Variants in KANK1 observed in about 807,000 individuals in gnomAD.
The protein encoded by KANK1 is KN motif and ankyrin repeat domain-containing protein 1.
Under a neutral mutation model 106.2 loss-of-function variants are expected in KANK1, and 109 were observed. The ratio of observed to expected loss-of-function variants is 1.03; its 90% CI spans 0.88 to 1.20. KANK1 has a LOEUF of 1.20. Ranked by LOEUF, KANK1 falls within the 50% of genes most tolerant of loss-of-function variation. The pLI is 0.00. For missense variants in KANK1, 2,399 were observed against 1,710.7 expected (o/e 1.40, Z -7.10); for synonymous variants, 873 against 652.2 (o/e 1.34, Z -5.16).
intron 11 of KANK1, chr9:744,938 T>C (rs1366434376): frequency 2.1e-6 from 3 of 1,438,912 alleles, no homozygotes; most frequent in Non-Finnish European, 2.7e-6. Flanking sequence ...CAGCCTGTAG[T>C]CCACAGTTCA....
intron 1 of KANK1, among the ~76,000 whole-genome samples, chr9:655,755 C>T (rs548551955): frequency 6.6e-6 from 1 of 152,276 alleles, no homozygotes; most frequent in South Asian, 2.1e-4. Context: ...TTTCAGATAC[C>T]TTAGAAACAA....
At chr9:514,573 T>C (rs759740050) in intron 1 of KANK1, among the ~76,000 whole-genome samples, 1 of 151,436 alleles carries the variant, frequency 6.6e-6, no homozygotes, top group African/African-American at 2.5e-5. Flanking sequence ...ATGTACTCTT[T>C]CGTGTCTAGC....
Position 572,167 on chromosome 9 carries a change from TTTTC to T in KANK1, c.-84+67415_-84+67418del, listed in dbSNP as rs1381264574. Among the ~76,000 whole-genome samples the T allele has an allele frequency of 1.2e-3, 141 of 119,908 alleles. 3 individuals carry two copies. In the East Asian group the frequency reaches 0.039, roughly 33 times the overall value. The allele number at this position is 119,908 out of a possible 152,430, so 78.7% of individuals were successfully genotyped here. On this transcript the variant is annotated intron_variant, in intron 1 of 11. Transcript: ENST00000382297. ...AAACAGTGATTTTTTTTTTTTTTTTTTTTCTAAGAGACAGGGTCTTGCTCTTTTC... is the reference window on the plus strand; with the variant it reads ...AAACAGTGATTTTTTTTTTTTTTTTTTAAGAGACAGGGTCTTGCTCTTTTC...
intron 1 of KANK1, among the ~76,000 whole-genome samples, chr9:667,236 CTA>C (rs1844843492): frequency 6.6e-6 from 1 of 151,986 alleles, no homozygotes; most frequent in South Asian, 2.1e-4. Context: ...GCAATTGTCT[CTA>C]ATGATTCTTT....
rs530221741 is a variant in KANK1 at position 684,559 on chromosome 9, C to T, written c.37+7550C>T. ...GAAAACTCTGTGCTCTGCTCTTCCT[C>T]AGCAGACTTCTCGTTGTGAGTATTG... On this transcript the variant is annotated intron_variant, in intron 2 of 11. Coordinates refer to ENST00000382297, the MANE Select transcript of KANK1 (RefSeq NM_015158.5). 341 of 985,450 alleles carry T rather than the reference C, an allele frequency of 3.5e-4. No individual in the cohort carries two copies. The African/African-American group carries it at 5.4e-3, about 16-fold the overall frequency. 61.0% of individuals were successfully genotyped at this position (985,450 alleles called of 1,614,324 possible).
intron 2 of KANK1, among the ~76,000 whole-genome samples, chr9:709,098 G>A (rs1825165137): frequency 6.6e-6 from 1 of 152,158 alleles, no homozygotes; most frequent in Admixed American, 6.6e-5. Context: ...TTGAACTCAT[G>A]ACAATACAAA....
intron 1 of KANK1, among the ~76,000 whole-genome samples, chr9:670,647 G>T (rs763125122): frequency 1.3e-5 from 2 of 152,106 alleles, no homozygotes; most frequent in Non-Finnish European, 1.5e-5. Flanking sequence ...GTCTCCTTTG[G>T]TTGAGTTACA....
intron 1 of KANK1, among the ~76,000 whole-genome samples, chr9:519,602 T>C (rs1375042805): frequency 6.6e-6 from 1 of 151,790 alleles, no homozygotes; most frequent in African/African-American, 2.4e-5. Context: ...ACCTGGACTT[T>C]TTGGAATGAT....
intron 1 of KANK1, among the ~76,000 whole-genome samples, chr9:531,358 G>T (rs891507698): frequency 4.0e-5 from 6 of 151,672 alleles, no homozygotes; most frequent in Admixed American, 6.6e-5. Flanking sequence ...TTAAACCCAG[G>T]AGGTGGAGGC....
rs1027752889 is a variant in KANK1, at chr9:611,422, G to C, written c.-83-65468G>C. On this transcript the variant is annotated intron_variant, in intron 1 of 11. Transcript: ENST00000382297. ...AAAGTACAGGACTCAAGTAATGATTGAACTTGGAATAAAAACCTTAAGGCC... is the reference window on the plus strand; with the variant it reads ...AAAGTACAGGACTCAAGTAATGATTCAACTTGGAATAAAAACCTTAAGGCC... Among the ~76,000 whole-genome samples the C allele has an allele frequency of 9.9e-5, 15 of 152,158 alleles. No homozygotes were observed. In the East Asian group the frequency reaches 2.7e-3, roughly 27 times the overall value.
At chr9:588,218 T>A (rs1823988990) in intron 1 of KANK1, among the ~76,000 whole-genome samples, 1 of 152,224 alleles carries the variant, frequency 6.6e-6, no homozygotes, top group Non-Finnish European at 1.5e-5. Flanking sequence ...AAATGCTTAT[T>A]TCTTTTTTCT....
chr9:672,815 C>T (rs1815495983), intron 1 of KANK1, among the ~76,000 whole-genome samples: 1 of 152,208 alleles, frequency 6.6e-6, no homozygotes, highest in Non-Finnish European at 1.5e-5. Flanking sequence ...ATCCTTCAGT[C>T]TCCCGAAATA....
At chr9:700,935 T>G (rs2130238604) in intron 2 of KANK1, among the ~76,000 whole-genome samples, 1 of 152,296 alleles carries the variant, frequency 6.6e-6, no homozygotes, top group African/African-American at 2.4e-5. Flanking sequence ...CTCCTCCGTT[T>G]TAAAGTCCAC....
chr9:504,776 T>TGCCGC (rs1432383228), intron 1 of KANK1, 22 bp downstream of exon 1: 16 of 16,736 alleles, frequency 9.6e-4, no homozygotes, highest in African/African-American at 2.6e-3. Flanking sequence ...GGCGGGGCCG[T>TGCCGC]GCCGCGCCCC....
intron 1 of KANK1, among the ~76,000 whole-genome samples, chr9:508,352 G>A (rs926743485): frequency 6.6e-6 from 1 of 151,858 alleles, no homozygotes; most frequent in Non-Finnish European, 1.5e-5. Context: ...GGTCAGGCTG[G>A]TCTCGAACTC....
intron 1 of KANK1, among the ~76,000 whole-genome samples, chr9:590,257 T>A (rs954611541): frequency 2.0e-5 from 3 of 152,172 alleles, no homozygotes; most frequent in Non-Finnish European, 4.4e-5. Context: ...TGTGTTCTAA[T>A]AGCCTTTGTT....
intron 3 of KANK1, among the ~76,000 whole-genome samples, chr9:721,997 A>C (rs1483673989): frequency 1.3e-5 from 2 of 152,198 alleles, no homozygotes; most frequent in East Asian, 3.9e-4. Flanking sequence ...CCGAAACCCA[A>C]GGGGGTGGGG....
At chr9:513,540 C>A (rs759280632) in intron 1 of KANK1, among the ~76,000 whole-genome samples, 24 of 152,120 alleles carry the variant, frequency 1.6e-4, no homozygotes, top group Non-Finnish European at 2.8e-4. Context: ...CATATAAGAA[C>A]CTCTAGTCTT....
chr9:740,709 C>T, intron 8 of KANK1, 83 bp from the exon 9 acceptor site: 1 of 1,449,640 alleles, frequency 6.9e-7, no homozygotes, highest in Admixed American at 2.0e-5. Flanking sequence ...CTCCTGTAAA[C>T]ACCATCCCTT....
Sources: allele counts gnomAD v4.1 joint callset (sites outside exome capture counted in the v4.1 genomes callset), GRCh38; gene constraint gnomAD v4.1.1; transcripts MANE v1.5; gene names NCBI Gene and HGNC (gene_info 2026-07-23, HGNC 2026-07-21).